EPS8: variants seen among roughly 807,000 people sequenced by gnomAD.
EPS8 encodes EGFR pathway substrate 8, signaling adaptor.
Under a neutral mutation model 103.8 loss-of-function variants are expected in EPS8, and 42 were observed. That is an observed-to-expected ratio of 0.40 (90% CI 0.32 to 0.52). The LOEUF (loss-of-function observed/expected upper bound fraction) is 0.52, where lower values mean the gene tolerates loss of function less well. Among genes scored for constraint, EPS8 ranks in the 20% least tolerant of loss-of-function variants. The pLI is 0.40. For missense variants in EPS8, 969 were observed against 1,005.1 expected, an observed-to-expected ratio of 0.96 and a Z score of 0.49; for synonymous variants, 344 against 344.6, an observed-to-expected ratio of 1.00 and a Z score of 0.02.
chr12:15,647,985 C>T (rs147868656), intron 14 of EPS8, among the ~76,000 whole-genome samples: 15 of 152,318 alleles, frequency 9.8e-5, no homozygotes, highest in East Asian at 9.6e-4. Context: ...TCATAAGAAG[C>T]GTGCAACCTA....
chr12:15,624,247 C>A lies in EPS8; in HGVS notation c.2205G>T (p.Gln735His), dbSNP rs750780813. Residue 735 changes from glutamine (Q) to histidine (H), a missense_variant, in exon 19 of 21, where the codon CAG becomes CAT. Transcript: ENST00000281172. ...CTCACACAGGGTTGAATCCCTTTGA[C>A]TGTAACCACGTCTTCACATCCTCTG... is the stretch of plus-strand genomic sequence containing the variant. ...STPEDVKTWLQSKGFNPVTVN... is the reference protein window; with the variant it reads ...STPEDVKTWLHSKGFNPVTVN... 8.1e-6 allele frequency: 13 copies of A among 1,613,598 alleles called. No homozygotes were observed. In the East Asian group the frequency reaches 2.9e-4, roughly 36 times the overall value.
intron 1 of EPS8, among the ~76,000 whole-genome samples, chr12:15,715,424 A>C (rs1591889289): frequency 3.5e-5 from 3 of 86,648 alleles, no homozygotes; most frequent in East Asian, 4.2e-4. Flanking sequence ...ATGGAGTTTC[A>C]CTCTGCCGCC....
intron 13 of EPS8, among the ~76,000 whole-genome samples, chr12:15,652,764 T>C (rs964587507): frequency 2.0e-5 from 3 of 152,146 alleles, no homozygotes; most frequent in Admixed American, 6.6e-5. Flanking sequence ...CTTAACTATA[T>C]TCCAACACAA....
Position 15,700,251 on chromosome 12 carries a change from T to C in EPS8, c.-21-17279A>G, listed in dbSNP as rs1239285320. Among the ~76,000 whole-genome samples the C allele has an allele frequency of 6.6e-6, 1 of 152,236 alleles. No homozygotes were observed. Among genetic ancestry groups the C allele is most frequent in the Non-Finnish European group, 1.5e-5 (1 of 68,046 alleles). On this transcript the variant is annotated intron_variant, in intron 1 of 20. Coordinates refer to ENST00000281172, the MANE Select transcript of EPS8 (RefSeq NM_004447.6). The surrounding 1 kb of genome is among the most constrained non-coding windows in gnomAD (Gnocchi z 5.1). Reference sequence around the variant, plus strand: ...AATTATTTATCATGTTTAATGTTTTTTAATGTGGTTATGAAGAACCACTCT... The same window carrying C: ...AATTATTTATCATGTTTAATGTTTTCTAATGTGGTTATGAAGAACCACTCT...
At chr12:15,643,840 C>T (rs757737410) in intron 15 of EPS8, among the ~76,000 whole-genome samples, 10 of 150,834 alleles carry the variant, frequency 6.6e-5, no homozygotes, top group Middle Eastern at 3.2e-3. Context: ...ATAATAGATA[C>T]GCCACTTGAT....
chr12:15,723,339 C>A (rs1164100669), intron 1 of EPS8, among the ~76,000 whole-genome samples: 1 of 152,086 alleles, frequency 6.6e-6, no homozygotes, highest in Non-Finnish European at 1.5e-5. Context: ...CTTTTTCAAT[C>A]TGATAGAGGA....
rs976179287 is a variant in EPS8 at position 15,716,814 on chromosome 12, T to C, written c.-21-33842A>G. 6.6e-6 allele frequency among the ~76,000 whole-genome samples: 1 copy of C among 152,154 alleles called. No individual in the cohort carries two copies. The highest frequency in any genetic ancestry group is 2.4e-5 in the African/African-American group (1 of 41,428). ...GCAGAATCGATCAACAATGTCACAA[T>C]CCATTCATCTTGGAAGTATAAGCAA... is the stretch of plus-strand genomic sequence containing the variant. On this transcript the variant is annotated intron_variant, in intron 1 of 20. Coordinates refer to ENST00000281172, the MANE Select transcript of EPS8 (RefSeq NM_004447.6). This position sits in a 1 kb window ranked among gnomAD's most constrained non-coding sequence, Gnocchi z 5.0.
chr12:15,678,519 G>C (rs1945948119), intron 3 of EPS8, among the ~76,000 whole-genome samples: 1 of 152,020 alleles, frequency 6.6e-6, no homozygotes, highest in African/African-American at 2.4e-5. Context: ...TTTCATTACA[G>C]TATACAAAAT....
In EPS8 at chr12:15,714,963, C is replaced by T. The variant is rs1266635895; in HGVS notation, c.-21-31991G>A. 2.0e-5 allele frequency among the ~76,000 whole-genome samples: 3 copies of T among 152,138 alleles called. No homozygotes were observed. The highest frequency in any genetic ancestry group is 4.4e-5 in the Non-Finnish European group (3 of 68,026). On this transcript the variant is annotated intron_variant, in intron 1 of 20. Transcript: ENST00000281172. The surrounding 1 kb of genome is among the most constrained non-coding windows in gnomAD (Gnocchi z 4.1). ...CTTATTCCTGAAAATTCTGACCCAT[C>T]CCCTGGGCCATTCCTTCCCATCTCC...
At chr12:15,665,990 A>G in intron 7 of EPS8, 98 bp from the exon 8 acceptor site, 1 of 1,254,238 alleles carries the variant, frequency 8.0e-7, no homozygotes, top group South Asian at 1.4e-5. Context: ...ATTCAAAAAG[A>G]ACTATGTCAA....
chr12:15,645,163 GA>G (rs1480724685), intron 15 of EPS8, among the ~76,000 whole-genome samples: 2 of 151,858 alleles, frequency 1.3e-5, no homozygotes, highest in South Asian at 2.1e-4. Flanking sequence ...CTGTGGTGAG[GA>G]AAAAAAATTG....
intron 12 of EPS8, among the ~76,000 whole-genome samples, chr12:15,657,190 C>T (rs897012452): frequency 6.6e-6 from 1 of 152,174 alleles, no homozygotes. Context: ...ATTCCAAGAA[C>T]ATGCTTTGCA....
chr12:15,666,512 A>G lies in EPS8; in HGVS notation c.527T>C (p.Ile176Thr). ...FQCDEVKANL[I>T]SEDIESAISD... The stretch of plus-strand genomic sequence containing the variant: ...GATTGCACTTTCAATATCTTCACTA[A>G]TTAGGTTTGCCTGCAAAGAGACACA... The change falls in exon 7 of 21, where the codon ATT becomes ACT. Residue 176 changes from isoleucine (I) to threonine (T), a missense_variant. Physicochemically the swap from Ile to Thr is moderately conservative, Grantham distance 89. Coordinates refer to ENST00000281172, the MANE Select transcript of EPS8 (RefSeq NM_004447.6). 1 of 1,613,418 alleles carries G rather than the reference A, an allele frequency of 6.2e-7. No individual in the cohort carries two copies. Among genetic ancestry groups the G allele is most frequent in the Non-Finnish European group, 8.5e-7 (1 of 1,179,440 alleles).
rs1052573033 is a variant in EPS8, at chr12:15,747,873, A to G, written c.-22+41288T>C. ...GTCTCTACTAAAAATACAAAGAATT[A>G]GCCGGACGTGGTGGCAGGCACCTGT... On this transcript the variant is annotated intron_variant, in intron 1 of 20. Coordinates refer to ENST00000281172, the MANE Select transcript of EPS8 (RefSeq NM_004447.6). The surrounding 1 kb of genome is among the most constrained non-coding windows in gnomAD (Gnocchi z 4.4). Among the ~76,000 whole-genome samples the G allele has an allele frequency of 6.6e-6, 1 of 152,084 alleles. No homozygotes were observed. The highest frequency in any genetic ancestry group is 2.4e-5 in the African/African-American group (1 of 41,412).
At chr12:15,786,059 A>G (rs774425037) in intron 1 of EPS8, among the ~76,000 whole-genome samples, 13 of 152,030 alleles carry the variant, frequency 8.6e-5, no homozygotes, top group Non-Finnish European at 1.8e-4. Context: ...AGGGGGAAGC[A>G]TAACTCTCTA....
chr12:15,741,030 T>G (rs952806428), intron 1 of EPS8, among the ~76,000 whole-genome samples: 1 of 152,122 alleles, frequency 6.6e-6, no homozygotes, highest in Admixed American at 6.6e-5. Flanking sequence ...CAGGCAGAAT[T>G]GGACTGCCCA....
chr12:15,626,946 C>G (rs1212204933), intron 18 of EPS8, among the ~76,000 whole-genome samples: 1 of 152,158 alleles, frequency 6.6e-6, no homozygotes, highest in African/African-American at 2.4e-5. Context: ...TCTCTATCCA[C>G]ATAGTTTTAT....
intron 15 of EPS8, among the ~76,000 whole-genome samples, chr12:15,643,482 G>A (rs902227058): frequency 7.2e-5 from 11 of 152,106 alleles, no homozygotes; most frequent in Admixed American, 3.9e-4. Context: ...GTTCATGCCC[G>A]TAATCCTAGC....
In EPS8 at chr12:15,743,727, G is replaced by A. The variant is rs370650109; in HGVS notation, c.-22+45434C>T. On this transcript the variant is annotated intron_variant, in intron 1 of 20. Transcript: ENST00000281172. Reference sequence around the variant, plus strand: ...TAGCCATATGTAGAAAGCTGAAACTGGATCCCTTCCTTACACCTTATACAA... The same window carrying A: ...TAGCCATATGTAGAAAGCTGAAACTAGATCCCTTCCTTACACCTTATACAA... 1.1e-3 allele frequency among the ~76,000 whole-genome samples: 164 copies of A among 152,236 alleles called. 2 individuals carry two copies. The East Asian group carries it at 0.03, about 28-fold the overall frequency.
Sources: gnomAD v4.1 joint callset for allele counts (sites outside exome capture counted in the v4.1 genomes callset) on GRCh38, gnomAD v4.1.1 for gene constraint, Gnocchi (gnomAD v3.1) non-coding constraint, MANE v1.5 for transcripts, NCBI Gene and HGNC (gene_info 2026-07-23, HGNC 2026-07-21) for gene names.